Variants in NAA35 observed in about 807,000 individuals in gnomAD.
The protein encoded by NAA35 is N-alpha-acetyltransferase 35, NatC auxiliary subunit.
In NAA35, 18 loss-of-function variants were observed where a neutral mutation model predicts 101.7. That is an observed-to-expected ratio of 0.18 (90% CI 0.12 to 0.26). NAA35 has a LOEUF of 0.26. NAA35 is among the 10% of genes least tolerant of loss of function. The pLI, the probability that NAA35 is intolerant of heterozygous loss-of-function variation, is 1.00. For synonymous variants in NAA35, 267 were observed against 273.1 expected (o/e 0.98, Z 0.22); for missense variants, 601 against 886.8 (o/e 0.68, Z 4.09).
intron 3 of NAA35, 48 bp from the exon 4 acceptor site, chr9:85,958,424 G>A (rs1385490241): frequency 8.6e-7 from 1 of 1,157,630 alleles, no homozygotes; most frequent in South Asian, 1.3e-5. Context: ...ATATGAATAA[G>A]CTTACTGGCT....
At chr9:85,985,493 C>A (rs974230771) in intron 11 of NAA35, among the ~76,000 whole-genome samples, 1 of 152,116 alleles carries the variant, frequency 6.6e-6, no homozygotes, top group African/African-American at 2.4e-5. Flanking sequence ...TCAGAAAAGA[C>A]CATGTATTGT....
At chr9:86,004,908 A>G (rs1336735883) in intron 13 of NAA35, among the ~76,000 whole-genome samples, 1 of 152,238 alleles carries the variant, frequency 6.6e-6, no homozygotes, top group East Asian at 1.9e-4. Context: ...CTTATAGTTA[A>G]AAACCTAACA....
At chr9:86,001,599 A>C (rs968376715) in intron 12 of NAA35, among the ~76,000 whole-genome samples, 1 of 152,162 alleles carries the variant, frequency 6.6e-6, no homozygotes, top group Non-Finnish European at 1.5e-5. Context: ...TTCTTGTTGA[A>C]TTGAACCCTT....
intron 6 of NAA35, among the ~76,000 whole-genome samples, chr9:85,969,552 C>T (rs1161306983): frequency 6.6e-6 from 1 of 152,136 alleles, no homozygotes; most frequent in African/African-American, 2.4e-5. Flanking sequence ...AGCATGCAAA[C>T]GTGCTTTATA....
chr9:86,018,352 A>C lies in NAA35; in HGVS notation c.1871A>C (p.Asn624Thr). ...TATGAACACAGGTTTGCTCCATTCA[A>C]CAGTGTGATGACCCCGCCGCCAGTG... The part of the protein sequence containing the change: ...VRYEHRFAPF[N>T]SVMTPPPVHY... Residue 624 changes from asparagine to threonine, a missense_variant, in exon 20 of 23, where the codon AAC becomes ACC. Asn to Thr is a moderately conservative substitution (Grantham distance 65, BLOSUM62 0). Coordinates refer to ENST00000361671, the MANE Select transcript of NAA35 (RefSeq NM_024635.4). 2 of 1,613,972 alleles carry C rather than the reference A, an allele frequency of 1.2e-6. No homozygotes were observed. The highest frequency in any genetic ancestry group is 2.2e-5 in the South Asian group (2 of 91,070).
At chr9:86,014,996 G>T (rs897091854) in intron 17 of NAA35, among the ~76,000 whole-genome samples, 1 of 152,036 alleles carries the variant, frequency 6.6e-6, no homozygotes, top group East Asian at 1.9e-4. Flanking sequence ...GAACTCTTGG[G>T]TTGTCAGTCT....
At chr9:85,955,279 C>T (rs938753698) in intron 2 of NAA35, among the ~76,000 whole-genome samples, 7 of 140,344 alleles carry the variant, frequency 5.0e-5, no homozygotes, top group Non-Finnish European at 1.1e-4. Flanking sequence ...GGCTAAAGTT[C>T]TATAAACTGC....
At chr9:85,964,065 G>A (rs1829636571) in intron 6 of NAA35, among the ~76,000 whole-genome samples, 1 of 151,352 alleles carries the variant, frequency 6.6e-6, no homozygotes, top group African/African-American at 2.4e-5. Context: ...GGGAAAACAG[G>A]CACTCAAATA....
At chr9:86,017,080 G>A (rs1381139175) in intron 18 of NAA35, among the ~76,000 whole-genome samples, 3 of 152,220 alleles carry the variant, frequency 2.0e-5, no homozygotes, top group Non-Finnish European at 4.4e-5. Flanking sequence ...AGAACCATGA[G>A]GACAGAGAAC....
At chr9:85,968,645 A>C (rs747261715) in intron 6 of NAA35, among the ~76,000 whole-genome samples, 3 of 150,538 alleles carry the variant, frequency 2.0e-5, no homozygotes, top group Non-Finnish European at 4.5e-5. Flanking sequence ...TTTTTTTTTT[A>C]CTGTTCCATA....
chr9:86,002,424 T>C (rs1831455163), intron 12 of NAA35, among the ~76,000 whole-genome samples: 1 of 152,188 alleles, frequency 6.6e-6, no homozygotes, highest in Non-Finnish European at 1.5e-5. Context: ...TTGGGGAAGT[T>C]TTCACGAACA....
intron 11 of NAA35, among the ~76,000 whole-genome samples, chr9:85,993,665 G>A (rs538957415): frequency 2.0e-5 from 3 of 152,030 alleles, no homozygotes; most frequent in South Asian, 2.1e-4. Context: ...TGTGAATTGC[G>A]CCTCAATAAA....
intron 11 of NAA35, among the ~76,000 whole-genome samples, chr9:85,981,100 G>C (rs1368366927): frequency 2.6e-5 from 4 of 152,040 alleles, no homozygotes; most frequent in Non-Finnish European, 5.9e-5. Flanking sequence ...CATAATTTTT[G>C]TGTTTCTACT....
chr9:85,977,468 T>C (rs758944463), intron 10 of NAA35, 22 bp downstream of exon 10: 7 of 1,524,626 alleles, frequency 4.6e-6, no homozygotes, highest in Middle Eastern at 1.7e-4. Context: ...CAATATAATA[T>C]GTCTATTTGT....
intron 2 of NAA35, among the ~76,000 whole-genome samples, chr9:85,950,007 T>G (rs1828943431): frequency 6.6e-6 from 1 of 152,176 alleles, no homozygotes; most frequent in South Asian, 2.1e-4. Flanking sequence ...CTACATGATG[T>G]GTGATGATGT....
intron 12 of NAA35, among the ~76,000 whole-genome samples, chr9:85,997,916 T>G (rs769092589): frequency 5.0e-4 from 76 of 151,968 alleles, no homozygotes; most frequent in African/African-American, 1.2e-3. Context: ...TATATATTTT[T>G]TTTGTTTGTT....
intron 4 of NAA35, 139 bp from the exon 5 acceptor site, chr9:85,959,654 T>C: frequency 3.6e-6 from 2 of 553,054 alleles, no homozygotes; most frequent in Non-Finnish European, 6.4e-6. Flanking sequence ...GTGATAGTTT[T>C]ATCAGATGAT....
chr9:85,953,521 G>T (rs1470787253), intron 2 of NAA35, among the ~76,000 whole-genome samples: 1 of 152,126 alleles, frequency 6.6e-6, no homozygotes, highest in African/African-American at 2.4e-5. Flanking sequence ...CTGCCTCCTG[G>T]TTTGAGTGAT....
intron 2 of NAA35, among the ~76,000 whole-genome samples, chr9:85,943,202 T>A (rs952830226): frequency 1.3e-5 from 2 of 152,002 alleles, no homozygotes; most frequent in Non-Finnish European, 2.9e-5. Context: ...AGACTGAAGA[T>A]AAGAGAAAGG....
Sources: allele counts gnomAD v4.1 joint callset (sites outside exome capture counted in the v4.1 genomes callset), GRCh38; gene constraint gnomAD v4.1.1; transcripts MANE v1.5; gene names NCBI Gene and HGNC (gene_info 2026-07-23, HGNC 2026-07-21).